LRRC4C: variants seen among roughly 807,000 people sequenced by gnomAD.
The protein encoded by LRRC4C is leucine-rich repeat-containing protein 4C.
A neutral mutation model predicts 33.6 loss-of-function variants in LRRC4C; 5 were observed. The ratio of observed to expected loss-of-function variants is 0.15; its 90% CI spans 0.08 to 0.31. The LOEUF (loss-of-function observed/expected upper bound fraction) is 0.31, where lower values mean the gene tolerates loss of function less well. Ranked by LOEUF, LRRC4C falls within the 10% of genes least tolerant of loss-of-function variation. The pLI is 1.00. For synonymous variants in LRRC4C, 329 were observed against 302.0 expected, an observed-to-expected ratio of 1.09 and a Z score of -0.93; for missense variants, 560 against 796.7, an observed-to-expected ratio of 0.70 and a Z score of 3.58.
chr11:40,147,884 C>T (rs958877569), intron 5 of LRRC4C, among the ~76,000 whole-genome samples: 1 of 151,934 alleles, frequency 6.6e-6, no homozygotes, highest in Non-Finnish European at 1.5e-5. Flanking sequence ...TTTCTTGATC[C>T]TCTCCCTCCT....
chr11:40,235,664 AG>A, intron 5 of LRRC4C, among the ~76,000 whole-genome samples: 2 of 152,312 alleles, frequency 1.3e-5, no homozygotes, highest in East Asian at 3.9e-4. Flanking sequence ...AAAATGGTTC[AG>A]GTTTTATTCT....
chr11:41,308,167 G>C (rs890005488), intron 1 of LRRC4C, among the ~76,000 whole-genome samples: 18 of 152,160 alleles, frequency 1.2e-4, no homozygotes, highest in African/African-American at 4.3e-4. Flanking sequence ...TTTCACCAAA[G>C]GTAGCTTGCG....
chr11:40,806,561 C>T (rs1040628713), intron 2 of LRRC4C, among the ~76,000 whole-genome samples: 2 of 152,148 alleles, frequency 1.3e-5, no homozygotes, highest in Non-Finnish European at 2.9e-5. Flanking sequence ...ATGACCCCCT[C>T]CTTTTCCAAG....
chr11:41,396,727 A>G (rs897721045), intron 1 of LRRC4C, among the ~76,000 whole-genome samples: 4 of 152,046 alleles, frequency 2.6e-5, no homozygotes, highest in African/African-American at 9.7e-5. Flanking sequence ...TAGTTCCTAA[A>G]ATGACAAACA....
At chr11:41,275,819 G>C (rs1043849136) in intron 1 of LRRC4C, among the ~76,000 whole-genome samples, 1 of 152,112 alleles carries the variant, frequency 6.6e-6, no homozygotes, top group African/African-American at 2.4e-5. Flanking sequence ...AGAAACAGAT[G>C]TTCATTATAT....
At chr11:41,095,625 C>T (rs1940761385) in intron 1 of LRRC4C, among the ~76,000 whole-genome samples, 1 of 152,170 alleles carries the variant, frequency 6.6e-6, no homozygotes, top group Admixed American at 6.6e-5. Flanking sequence ...GAGGCATAGC[C>T]TCTTTCTAAC....
chr11:40,922,916 C>A (rs1313758627), intron 2 of LRRC4C, among the ~76,000 whole-genome samples: 1 of 152,126 alleles, frequency 6.6e-6, no homozygotes, highest in Non-Finnish European at 1.5e-5. Flanking sequence ...ACCTCCGCCT[C>A]CCGGTTCAAG....
intron 3 of LRRC4C, among the ~76,000 whole-genome samples, chr11:40,432,747 T>C (rs1403605302): frequency 6.6e-6 from 1 of 152,212 alleles, no homozygotes; most frequent in Non-Finnish European, 1.5e-5. Context: ...GTTGATTCAG[T>C]AGTTCTCAAA....
At chr11:41,376,296 A>G (rs1176742507) in intron 1 of LRRC4C, among the ~76,000 whole-genome samples, 5 of 152,172 alleles carry the variant, frequency 3.3e-5, no homozygotes, top group Non-Finnish European at 7.3e-5. Context: ...CTCTGCACAA[A>G]TTGGAACTTG....
Position 40,185,544 on chromosome 11 carries a change from T to C in LRRC4C, c.-95-44691A>G, listed in dbSNP as rs549527311. On this transcript the variant is annotated intron_variant, in intron 5 of 6. Transcript: ENST00000528697. ...CTGAAAAGGTGTAATGAAGGAAATT[T>C]AGTGAGAAGCATGAGAAGCATGAGA... Among the ~76,000 whole-genome samples, 7 of 152,280 alleles carry C rather than the reference T, an allele frequency of 4.6e-5. No homozygotes were observed. In the East Asian group the frequency reaches 1.2e-3, roughly 25 times the overall value.
chr11:41,063,656 A>C (rs533293480), intron 1 of LRRC4C, among the ~76,000 whole-genome samples: 56 of 152,306 alleles, frequency 3.7e-4, no homozygotes, highest in African/African-American at 1.3e-3. Flanking sequence ...AGGAAAATGG[A>C]TAGGGAGGCT....
At chr11:40,413,463 C>T (rs972088465) in intron 3 of LRRC4C, among the ~76,000 whole-genome samples, 1 of 152,092 alleles carries the variant, frequency 6.6e-6, no homozygotes, top group African/African-American at 2.4e-5. Context: ...ACATCTCTCA[C>T]GGCCTCATTC....
chr11:40,729,786 GT>G (rs137971435), intron 2 of LRRC4C, among the ~76,000 whole-genome samples: 2,418 of 152,212 alleles, frequency 0.016, 32 homozygotes, highest in Middle Eastern at 0.041. Flanking sequence ...ATAAACCTAT[GT>G]TTTTTATAAT....
intron 3 of LRRC4C, among the ~76,000 whole-genome samples, chr11:40,600,767 A>G (rs1436508147): frequency 1.3e-5 from 2 of 152,226 alleles, no homozygotes; most frequent in African/African-American, 2.4e-5. Context: ...AGTCAATAAG[A>G]GATGTAGATA....
At chr11:40,661,318 A>T (rs1591398269) in intron 2 of LRRC4C, among the ~76,000 whole-genome samples, 1 of 152,318 alleles carries the variant, frequency 6.6e-6, no homozygotes, top group African/African-American at 2.4e-5. Context: ...ATATTATTGT[A>T]TTTAGCTGTT....
Position 41,448,122 on chromosome 11 carries a change from G to GTTTTTTTTTTTTTT in LRRC4C, c.-496+11295_-496+11308dup, listed in dbSNP as rs71063918. On this transcript the variant is annotated intron_variant, in intron 1 of 6. Transcript: ENST00000528697. ...ACAAACGAGGCTGCTGCACACGTCT[G>GTTTTTTTTTTTTTT]TTTTTTTTTTTTTTTTTTTTGGAGC... Among the ~76,000 whole-genome samples, 36 of 46,906 alleles carry GTTTTTTTTTTTTTT rather than the reference G, an allele frequency of 7.7e-4. 6 individuals carry two copies. The highest frequency in any genetic ancestry group is 1.2e-3 in the African/African-American group (15 of 12,918). The allele number at this position is 46,906 out of a possible 152,430, so 30.8% of individuals were successfully genotyped here.
intron 3 of LRRC4C, among the ~76,000 whole-genome samples, chr11:40,511,764 T>C (rs1955327907): frequency 6.6e-6 from 1 of 152,180 alleles, no homozygotes; most frequent in South Asian, 2.1e-4. Context: ...TTCTGGGCAC[T>C]TCTGAAAAAG....
chr11:41,080,759 T>C (rs1939515861), intron 1 of LRRC4C, among the ~76,000 whole-genome samples: 2 of 152,226 alleles, frequency 1.3e-5, no homozygotes, highest in African/African-American at 4.8e-5. Context: ...TCTGATCTTA[T>C]TTGAGCTTTG....
At chr11:41,336,900 T>A (rs1163706653) in intron 1 of LRRC4C, among the ~76,000 whole-genome samples, 1 of 151,356 alleles carries the variant, frequency 6.6e-6, no homozygotes, top group African/African-American at 2.4e-5. Flanking sequence ...TTTAATGCAA[T>A]AAACACATCA....
Sources: allele counts gnomAD v4.1 joint callset (sites outside exome capture counted in the v4.1 genomes callset), GRCh38; gene constraint gnomAD v4.1.1; transcripts MANE v1.5; gene names NCBI Gene and HGNC (gene_info 2026-07-23, HGNC 2026-07-21).